GALNT13: variants seen among roughly 807,000 people sequenced by gnomAD.
GALNT13 encodes the protein UDP-GalNAc:polypeptide N-acetylgalactosaminyltransferase 13.
In GALNT13, 28 loss-of-function variants were observed where a neutral mutation model predicts 64.2. The ratio of observed to expected loss-of-function variants is 0.44; its 90% CI spans 0.32 to 0.60. The LOEUF (loss-of-function observed/expected upper bound fraction) is 0.60. GALNT13 is among the 20% of genes least tolerant of loss of function. GALNT13 has a pLI of 0.05. For missense variants in GALNT13, 577 were observed against 669.8 expected (o/e 0.86, Z 1.53); for synonymous variants, 214 against 224.6 (o/e 0.95, Z 0.42).
chr2:153,142,042 C>T, the GALNT13 span, among the ~76,000 whole-genome samples: 2 of 152,072 alleles, frequency 1.3e-5, no homozygotes, highest in South Asian at 2.1e-4. Context: ...CATCATGAAG[C>T]GTTATTTTTG....
At chr2:154,020,416 A>G (rs938708183) in intron 3 of GALNT13, among the ~76,000 whole-genome samples, 50 of 152,166 alleles carry the variant, frequency 3.3e-4, no homozygotes, top group African/African-American at 1.1e-3. Context: ...ATGGTATCTC[A>G]TTGTGGTTTT....
chr2:153,412,533 T>A, the GALNT13 span, among the ~76,000 whole-genome samples: 1 of 152,212 alleles, frequency 6.6e-6, no homozygotes, highest in Non-Finnish European at 1.5e-5. Flanking sequence ...TGCACTGGCA[T>A]GTCTCTCAGA....
chr2:153,095,711 A>G, the GALNT13 span, among the ~76,000 whole-genome samples: 8 of 152,292 alleles, frequency 5.3e-5, no homozygotes, highest in African/African-American at 1.7e-4. Flanking sequence ...GCAGCCATTA[A>G]AAAGGATGAG....
chr2:154,235,915 A>C (rs1411375272), intron 4 of GALNT13: 1 of 276,306 alleles, frequency 3.6e-6, no homozygotes, highest in African/African-American at 2.2e-5. Flanking sequence ...TAGCCTAGGG[A>C]AAAAGTGATA....
the GALNT13 span, among the ~76,000 whole-genome samples, chr2:153,072,977 C>T: frequency 2.0e-5 from 3 of 152,102 alleles, no homozygotes; most frequent in African/African-American, 7.2e-5. Context: ...AACAAGATTC[C>T]TGGATTAAGG....
intron 4 of GALNT13, among the ~76,000 whole-genome samples, chr2:154,224,054 G>A (rs1688460707): frequency 6.6e-6 from 1 of 151,998 alleles, no homozygotes; most frequent in Admixed American, 6.6e-5. Flanking sequence ...TATTTGTATA[G>A]CGTATGTGTG....
At chr2:153,718,537 AT>A in the GALNT13 span, among the ~76,000 whole-genome samples, 1 of 152,116 alleles carries the variant, frequency 6.6e-6, no homozygotes, top group Admixed American at 6.6e-5. Flanking sequence ...TTTGAGGCTC[AT>A]AAAAGTAATA....
At chr2:154,148,032 A>C (rs1315765719) in intron 4 of GALNT13, among the ~76,000 whole-genome samples, 1 of 151,898 alleles carries the variant, frequency 6.6e-6, no homozygotes, top group East Asian at 1.9e-4. Context: ...TTCGTCATTT[A>C]ACGTTAGGTA....
chr2:153,611,213 A>C, the GALNT13 span, among the ~76,000 whole-genome samples: 7 of 152,334 alleles, frequency 4.6e-5, no homozygotes, highest in African/African-American at 1.7e-4. Context: ...TAATAAAAGT[A>C]CTAGACTAGC....
chr2:153,208,973 CTT>C, the GALNT13 span, among the ~76,000 whole-genome samples: 18,341 of 73,240 alleles, frequency 0.25, 843 homozygotes, highest in Middle Eastern at 0.37. Flanking sequence ...TGGTTTTGGT[CTT>C]TTTTTTTTTT....
intron 9 of GALNT13, among the ~76,000 whole-genome samples, chr2:154,313,413 T>TAG (rs1040432702): frequency 9.1e-4 from 26 of 28,436 alleles, no homozygotes; most frequent in Admixed American, 4.3e-3. Context: ...ATACACCCAG[T>TAG]AGAGATATAT....
chr2:154,082,268 G>A (rs1211351857), intron 3 of GALNT13, among the ~76,000 whole-genome samples: 1 of 151,650 alleles, frequency 6.6e-6, no homozygotes, highest in African/African-American at 2.4e-5. Flanking sequence ...GATTTGGCTT[G>A]GTGGTGTTGT....
At chr2:153,943,770 C>T (rs772851931) in intron 2 of GALNT13, among the ~76,000 whole-genome samples, 2 of 152,224 alleles carry the variant, frequency 1.3e-5, no homozygotes, top group Non-Finnish European at 2.9e-5. Context: ...GTTGGGATTA[C>T]AGGCGTGAGC....
At chr2:153,698,639 A>C in the GALNT13 span, among the ~76,000 whole-genome samples, 85 of 152,196 alleles carry the variant, frequency 5.6e-4, 2 homozygotes, top group Non-Finnish European at 1.1e-3. Flanking sequence ...AAACAATAAC[A>C]GTGGGAGACT....
At chr2:154,247,880 T>C (rs934925919) in intron 7 of GALNT13, among the ~76,000 whole-genome samples, 4 of 152,126 alleles carry the variant, frequency 2.6e-5, no homozygotes, top group African/African-American at 9.6e-5. Context: ...AAAAGGTTAA[T>C]TAATTCATGG....
chr2:154,442,409 C>T (rs550485961), intron 12 of GALNT13, among the ~76,000 whole-genome samples: 1 of 152,114 alleles, frequency 6.6e-6, no homozygotes, highest in East Asian at 1.9e-4. Context: ...CCTTAAATAA[C>T]CACGAATTCA....
At chr2:153,748,204 A>T in the GALNT13 span, among the ~76,000 whole-genome samples, 1 of 152,128 alleles carries the variant, frequency 6.6e-6, no homozygotes, top group East Asian at 1.9e-4. Context: ...GAATTTGGAG[A>T]TTCCTCAAAG....
chr2:153,853,431 C>G, the GALNT13 span, among the ~76,000 whole-genome samples: 1 of 152,036 alleles, frequency 6.6e-6, no homozygotes, highest in Non-Finnish European at 1.5e-5. Flanking sequence ...TAGTCAAAAA[C>G]TGGAAACAAA....
chr2:153,927,905 A>G (rs1690261267), intron 2 of GALNT13, among the ~76,000 whole-genome samples: 1 of 152,102 alleles, frequency 6.6e-6, no homozygotes, highest in Admixed American at 6.6e-5. Context: ...AAAAGAGTGC[A>G]TTTATTCCAT....
Sources: gnomAD v4.1 joint callset for allele counts (sites outside exome capture counted in the v4.1 genomes callset) on GRCh38, gnomAD v4.1.1 for gene constraint, MANE v1.5 for transcripts, NCBI Gene and HGNC (gene_info 2026-07-23, HGNC 2026-07-21) for gene names.